GALNTL6: variants seen among roughly 807,000 people sequenced by gnomAD.
GALNTL6 encodes the protein polypeptide N-acetylgalactosaminyltransferase-like 6.
Under a neutral mutation model 73.7 loss-of-function variants are expected in GALNTL6, and 46 were observed. The ratio of observed to expected loss-of-function variants is 0.62; its 90% CI spans 0.49 to 0.80. The LOEUF (loss-of-function observed/expected upper bound fraction) is 0.80. GALNTL6 is among the 30% of genes least tolerant of loss of function. GALNTL6 has a pLI of 0.00. For missense variants in GALNTL6, 604 were observed against 755.0 expected (o/e 0.80, Z 2.34); for synonymous variants, 259 against 263.7 (o/e 0.98, Z 0.17).
chr4:172,302,811 T>G (rs1164581149), intron 3 of GALNTL6, among the ~76,000 whole-genome samples: 2 of 152,050 alleles, frequency 1.3e-5, no homozygotes, highest in East Asian at 3.8e-4. Context: ...TTGGTAACTT[T>G]TTTTTTTAAG....
chr4:171,911,988 C>T (rs1737488179), intron 2 of GALNTL6, among the ~76,000 whole-genome samples: 1 of 152,014 alleles, frequency 6.6e-6, no homozygotes, highest in South Asian at 2.1e-4. Flanking sequence ...ATAATAGGTT[C>T]TTGATATATC....
chr4:172,487,299 T>TTTCCTTTC (rs201082596), intron 5 of GALNTL6, among the ~76,000 whole-genome samples: 1 of 83,672 alleles, frequency 1.2e-5, no homozygotes, highest in African/African-American at 4.3e-5. Flanking sequence ...TCTTTCCTTC[T>TTTCCTTTC]GTCTTTCTTT....
intron 2 of GALNTL6, among the ~76,000 whole-genome samples, chr4:171,893,862 G>T (rs2110931003): frequency 6.6e-6 from 1 of 152,170 alleles, no homozygotes; most frequent in South Asian, 2.1e-4. Flanking sequence ...GCCATAGAGT[G>T]GGATAGCCAA....
intron 10 of GALNTL6, among the ~76,000 whole-genome samples, chr4:172,999,986 C>A: frequency 6.6e-6 from 1 of 152,190 alleles, no homozygotes; most frequent in South Asian, 2.1e-4. Context: ...AATCCCTTAT[C>A]TTGATATTTA....
At chr4:172,083,319 C>A (rs1731935925) in intron 2 of GALNTL6, among the ~76,000 whole-genome samples, 1 of 152,122 alleles carries the variant, frequency 6.6e-6, no homozygotes, top group Non-Finnish European at 1.5e-5. Context: ...CATATTAGAT[C>A]CTGTCATTTC....
intron 3 of GALNTL6, among the ~76,000 whole-genome samples, chr4:172,246,116 T>C (rs1737647939): frequency 6.6e-6 from 1 of 152,134 alleles, no homozygotes; most frequent in Non-Finnish European, 1.5e-5. Flanking sequence ...GAAAATAAGA[T>C]TTAATGGATA....
intron 2 of GALNTL6, among the ~76,000 whole-genome samples, chr4:172,152,204 C>G (rs1272951213): frequency 6.6e-6 from 1 of 152,136 alleles, no homozygotes; most frequent in East Asian, 1.9e-4. Context: ...TCTCAAACTC[C>G]TGACCTCAAA....
intron 2 of GALNTL6, among the ~76,000 whole-genome samples, chr4:172,215,892 G>A (rs1202972632): frequency 1.3e-5 from 2 of 151,780 alleles, no homozygotes; most frequent in African/African-American, 4.8e-5. Flanking sequence ...ATAGTTACTC[G>A]AGTTTGCATT....
At chr4:172,467,494 C>T (rs1732864703) in intron 5 of GALNTL6, among the ~76,000 whole-genome samples, 1 of 152,166 alleles carries the variant, frequency 6.6e-6, no homozygotes. Flanking sequence ...TGGAGTCGCT[C>T]ATCCTCCAGC....
intron 7 of GALNTL6, among the ~76,000 whole-genome samples, chr4:172,869,968 G>A (rs777336605): frequency 8.6e-5 from 13 of 151,910 alleles, no homozygotes; most frequent in Admixed American, 1.3e-4. Context: ...AACTTCTTTC[G>A]TTTCCTAATT....
At chr4:172,724,562 C>T (rs116824006) in intron 5 of GALNTL6, among the ~76,000 whole-genome samples, 2,041 of 152,194 alleles carry the variant, frequency 0.013, 41 homozygotes, top group African/African-American at 0.046. Context: ...TTTCTGTTTC[C>T]AAGTGTCTCC....
At chr4:172,958,325 T>C (rs1222076170) in intron 10 of GALNTL6, among the ~76,000 whole-genome samples, 2 of 152,100 alleles carry the variant, frequency 1.3e-5, no homozygotes, top group African/African-American at 4.8e-5. Flanking sequence ...CTGGTCCTTG[T>C]GTAAGAATTC....
At chr4:172,400,303 C>G (rs1409916022) in intron 5 of GALNTL6, among the ~76,000 whole-genome samples, 1 of 152,102 alleles carries the variant, frequency 6.6e-6, no homozygotes, top group African/African-American at 2.4e-5. Context: ...CTATTAACCT[C>G]TAAGGAAAAT....
At chr4:172,815,631 GCACTGACAGTCA>G (rs1278154267) in intron 7 of GALNTL6, among the ~76,000 whole-genome samples, 1 of 152,170 alleles carries the variant, frequency 6.6e-6, no homozygotes, top group Non-Finnish European at 1.5e-5. Context: ...CTCAGTGCCT[GCACTGACAGTCA>G]ACATTTTTGT....
intron 10 of GALNTL6, among the ~76,000 whole-genome samples, chr4:172,960,488 G>A (rs1443158832): frequency 2.6e-5 from 4 of 152,162 alleles, no homozygotes; most frequent in African/African-American, 9.7e-5. Flanking sequence ...GAGGGGAGAG[G>A]TCAGATGGGT....
At position 172,069,658 on chromosome 4, in the gene GALNTL6, G is replaced by GTGTTATAT. The variant is rs1731496502; in HGVS notation, c.139-159998_139-159997insTGTTATAT. 8.5e-5 allele frequency among the ~76,000 whole-genome samples: 6 copies of GTGTTATAT among 70,254 alleles called. 3 individuals are homozygous for GTGTTATAT. The highest frequency in any genetic ancestry group is 1.2e-4 in the African/African-American group (2 of 16,174). 46.1% of individuals were successfully genotyped at this position (70,254 alleles called of 152,430 possible). On this transcript the variant is annotated intron_variant, in intron 2 of 12. Transcript: ENST00000506823. Reference sequence around the variant, plus strand: ...CTAAATTTCCTCATACATAGTATCTGACAACATATGTGTAATTTCTGCAGG... The same window carrying GTGTTATAT: ...CTAAATTTCCTCATACATAGTATCTGTGTTATATACAACATATGTGTAATTTCTGCAGG...
chr4:172,346,286 C>T (rs770496930), intron 4 of GALNTL6, among the ~76,000 whole-genome samples: 14 of 152,216 alleles, frequency 9.2e-5, no homozygotes, highest in African/African-American at 2.9e-4. Context: ...GTCGTTTTGA[C>T]GTCTCAACAG....
At chr4:172,642,901 A>G (rs191161070) in intron 5 of GALNTL6, among the ~76,000 whole-genome samples, 1 of 151,924 alleles carries the variant, frequency 6.6e-6, no homozygotes, top group Non-Finnish European at 1.5e-5. Context: ...GACAAGCCTC[A>G]TGCATGTCAC....
intron 2 of GALNTL6, among the ~76,000 whole-genome samples, chr4:171,906,371 C>G (rs1183016852): frequency 6.6e-6 from 1 of 151,498 alleles, no homozygotes; most frequent in Admixed American, 6.6e-5. Context: ...AACACCTCTA[C>G]GCAAATAAAC....
Sources: allele counts gnomAD v4.1 joint callset (sites outside exome capture counted in the v4.1 genomes callset), GRCh38; gene constraint gnomAD v4.1.1; transcripts MANE v1.5; gene names NCBI Gene and HGNC (gene_info 2026-07-23, HGNC 2026-07-21).